PRKG1: variants seen among roughly 807,000 people sequenced by gnomAD.
The protein encoded by PRKG1 is protein kinase cGMP-dependent 1.
A neutral mutation model predicts 88.1 loss-of-function variants in PRKG1; 35 were observed. The observed-to-expected ratio is 0.40, with a 90% confidence interval of 0.30 to 0.53. PRKG1 has a LOEUF of 0.53. Among genes scored for constraint, PRKG1 ranks in the 20% least tolerant of loss-of-function variants. The probability of loss-of-function intolerance (pLI) is 0.59; values close to 1 mark genes in which losing one functional copy is unlikely to be tolerated. For missense variants in PRKG1, 540 were observed against 839.8 expected, an observed-to-expected ratio of 0.64 and a Z score of 4.41; for synonymous variants, 303 against 292.5, an observed-to-expected ratio of 1.04 and a Z score of -0.37.
At chr10:52,216,033 C>G (rs1399363300) in intron 9 of PRKG1, among the ~76,000 whole-genome samples, 2 of 152,172 alleles carry the variant, frequency 1.3e-5, no homozygotes, top group Non-Finnish European at 2.9e-5. Flanking sequence ...AACAAGCAAA[C>G]TGTACACCCA....
chr10:51,933,080 A>G (rs1293877221), intron 5 of PRKG1, among the ~76,000 whole-genome samples: 2 of 152,104 alleles, frequency 1.3e-5, no homozygotes, highest in Non-Finnish European at 2.9e-5. Context: ...AATGTGTGAT[A>G]ATCATGATTT....
At chr10:51,560,321 T>C (rs1837425775) in intron 3 of PRKG1, among the ~76,000 whole-genome samples, 1 of 152,154 alleles carries the variant, frequency 6.6e-6, no homozygotes, top group Admixed American at 6.6e-5. Context: ...ATCCATGGCC[T>C]CTGCACAAAA....
intron 5 of PRKG1, among the ~76,000 whole-genome samples, chr10:51,960,825 G>A (rs1843430025): frequency 6.6e-6 from 1 of 152,110 alleles, no homozygotes; most frequent in Non-Finnish European, 1.5e-5. Flanking sequence ...CCCAGTTCGT[G>A]GTTCTGCCAA....
At chr10:51,273,049 GAATTTAT>G (rs965152977) in intron 2 of PRKG1, among the ~76,000 whole-genome samples, 1 of 152,106 alleles carries the variant, frequency 6.6e-6, no homozygotes, top group African/African-American at 2.4e-5. Flanking sequence ...ACATAAAGTT[GAATTTAT>G]ATATTTTTTG....
chr10:52,082,095 G>T (rs1006971397), intron 7 of PRKG1, among the ~76,000 whole-genome samples: 3 of 152,064 alleles, frequency 2.0e-5, no homozygotes, highest in Admixed American at 6.6e-5. Context: ...TCACATGAAG[G>T]CGGCAAGAAG....
chr10:52,226,590 A>T (rs1840393841), intron 9 of PRKG1, among the ~76,000 whole-genome samples: 1 of 152,172 alleles, frequency 6.6e-6, no homozygotes, highest in Non-Finnish European at 1.5e-5. Flanking sequence ...TGTGTGTCAT[A>T]ACCAGACATA....
Position 51,602,766 on chromosome 10 carries a change from GTGTGTGTGTGTGTGTATA to G in PRKG1, c.592+134932_592+134949del, listed in dbSNP as rs1160462441. Among the ~76,000 whole-genome samples the G allele has an allele frequency of 3.4e-3, 429 of 124,470 alleles. 7 individuals carry two copies. Among genetic ancestry groups the G allele is most frequent in the African/African-American group, 0.014 (383 of 27,866 alleles). The allele number at this position is 124,470 out of a possible 152,430, so 81.7% of individuals were successfully genotyped here. A position where few individuals can be genotyped will look rare whatever the true frequency, so the allele number is the denominator to read the frequency against. On this transcript the variant is annotated intron_variant, in intron 3 of 17. Transcript: ENST00000373980. ...TGTGTGTGTGTGTGTGTGTGTGTGT[GTGTGTGTGTGTGTGTATA>G]TATTCATATATATATTAATTTTCCA...
At chr10:52,069,691 G>A (rs11000691) in intron 7 of PRKG1, among the ~76,000 whole-genome samples, 26,341 of 151,882 alleles carry the variant, frequency 0.17, 2,887 homozygotes, top group South Asian at 0.28. Flanking sequence ...TCCCACCCGC[G>A]TACTTCCTCT....
At chr10:51,681,002 G>A (rs1033628178) in intron 3 of PRKG1, among the ~76,000 whole-genome samples, 6 of 152,130 alleles carry the variant, frequency 3.9e-5, no homozygotes, top group Middle Eastern at 3.2e-3. Context: ...AAGTACACAC[G>A]TACTACCAGT....
intron 3 of PRKG1, among the ~76,000 whole-genome samples, chr10:51,730,895 C>T (rs923796692): frequency 4.6e-5 from 7 of 152,202 alleles, no homozygotes; most frequent in African/African-American, 1.7e-4. Context: ...GTGGCTCATG[C>T]CTGTAATCCC....
intron 6 of PRKG1, among the ~76,000 whole-genome samples, chr10:52,061,321 C>A (rs1846229789): frequency 6.8e-6 from 1 of 148,096 alleles, no homozygotes; most frequent in South Asian, 2.1e-4. Flanking sequence ...GACATCTAAT[C>A]TCTAGATTCA....
At chr10:51,040,971 G>A (rs978297654) in intron 1 of PRKG1, among the ~76,000 whole-genome samples, 10 of 151,736 alleles carry the variant, frequency 6.6e-5, no homozygotes, top group African/African-American at 2.2e-4. Context: ...GATGCCTTTT[G>A]TTTCTTTCTC....
intron 3 of PRKG1, among the ~76,000 whole-genome samples, chr10:51,795,757 T>C (rs1398925164): frequency 2.0e-5 from 3 of 152,102 alleles, no homozygotes; most frequent in African/African-American, 7.2e-5. Context: ...TGAGCTGATA[T>C]TCTTTAATGG....
rs1383622040 is a variant in PRKG1 at position 51,871,225 on chromosome 10, T to C, written c.699-36282T>C. 3.3e-5 allele frequency among the ~76,000 whole-genome samples: 5 copies of C among 152,358 alleles called. No homozygotes were observed. The East Asian group carries it at 9.6e-4, about 29-fold the overall frequency. On this transcript the variant is annotated intron_variant, in intron 4 of 17. Coordinates refer to ENST00000373980, the MANE Select transcript of PRKG1 (RefSeq NM_006258.4). ...ATATCCATTGTCTCCTTTCAGAACATGGCTATGGTAGAATGGTAGTAACCA... is the reference window on the plus strand; with the variant it reads ...ATATCCATTGTCTCCTTTCAGAACACGGCTATGGTAGAATGGTAGTAACCA...
At chr10:51,840,526 T>C (rs1167642440) in intron 4 of PRKG1, among the ~76,000 whole-genome samples, 2 of 145,672 alleles carry the variant, frequency 1.4e-5, no homozygotes, top group Non-Finnish European at 3.0e-5. Context: ...ATTTTATTTA[T>C]TTATTTATTT....
chr10:51,355,543 T>G (rs1478140683), intron 2 of PRKG1, among the ~76,000 whole-genome samples: 3 of 152,050 alleles, frequency 2.0e-5, no homozygotes, highest in Admixed American at 6.6e-5. Flanking sequence ...TTGTTGCTTT[T>G]TCCCTTTTCT....
chr10:51,625,587 G>A (rs555237212), intron 3 of PRKG1, among the ~76,000 whole-genome samples: 2 of 152,132 alleles, frequency 1.3e-5, no homozygotes, highest in South Asian at 4.1e-4. Flanking sequence ...GATGTGAGTT[G>A]ATGGAGATGT....
chr10:51,840,525 A>G (rs933295090), intron 4 of PRKG1, among the ~76,000 whole-genome samples: 8 of 144,974 alleles, frequency 5.5e-5, no homozygotes, highest in Non-Finnish European at 1.1e-4. Context: ...TATTTTATTT[A>G]TTTATTTATT....
chr10:51,473,205 AT>A (rs1840096995), intron 3 of PRKG1, among the ~76,000 whole-genome samples: 1 of 151,944 alleles, frequency 6.6e-6, no homozygotes, highest in Non-Finnish European at 1.5e-5. Flanking sequence ...TGAGAAATAA[AT>A]TAATTTCTTT....
Sources: gnomAD v4.1 joint callset for allele counts (sites outside exome capture counted in the v4.1 genomes callset) on GRCh38, gnomAD v4.1.1 for gene constraint, MANE v1.5 for transcripts, NCBI Gene and HGNC (gene_info 2026-07-23, HGNC 2026-07-21) for gene names.